PLGRKT: variants seen among roughly 807,000 people sequenced by gnomAD.
PLGRKT encodes plasminogen receptor with a C-terminal lysine, also known as plasminogen receptor (KT).
A neutral mutation model predicts 18.5 loss-of-function variants in PLGRKT; 22 were observed. The observed-to-expected ratio is 1.19, with a 90% CI of 0.85 to 1.70. The LOEUF (loss-of-function observed/expected upper bound fraction) is 1.70. Ranked by LOEUF, PLGRKT falls within the 40% of genes most tolerant of loss-of-function variation. PLGRKT has a pLI of 0.00. For missense variants in PLGRKT, 235 were observed against 174.4 expected, an observed-to-expected ratio of 1.35 and a Z score of -1.96; for synonymous variants, 72 against 52.8, an observed-to-expected ratio of 1.36 and a Z score of -1.58.
chr9:5,398,489 G>A (rs1818095264), intron 3 of PLGRKT, among the ~76,000 whole-genome samples: 1 of 151,840 alleles, frequency 6.6e-6, no homozygotes, highest in African/African-American at 2.4e-5. Flanking sequence ...TTCCTTTTTT[G>A]TAGCAAGTGC....
intron 3 of PLGRKT, among the ~76,000 whole-genome samples, chr9:5,406,886 T>G (rs893335394): frequency 1.3e-5 from 2 of 152,184 alleles, no homozygotes; most frequent in Non-Finnish European, 2.9e-5. Flanking sequence ...CTATTGAAAT[T>G]TTTAAAAATA....
At chr9:5,432,725 T>C (rs1818854982) in intron 2 of PLGRKT, among the ~76,000 whole-genome samples, 1 of 152,234 alleles carries the variant, frequency 6.6e-6, no homozygotes, top group Non-Finnish European at 1.5e-5. Context: ...CTCGAGCTCC[T>C]GGCCTCGGGT....
chr9:5,403,823 G>A (rs1818203044), intron 3 of PLGRKT, among the ~76,000 whole-genome samples: 1 of 152,170 alleles, frequency 6.6e-6, no homozygotes, highest in South Asian at 2.1e-4. Context: ...CACATAAGAT[G>A]ACAGAAGGAA....
intron 3 of PLGRKT, among the ~76,000 whole-genome samples, chr9:5,387,986 T>C (rs1261271646): frequency 6.6e-6 from 1 of 151,848 alleles, no homozygotes; most frequent in Non-Finnish European, 1.5e-5. Flanking sequence ...GGACTGGATA[T>C]AGGTGACATG....
intron 3 of PLGRKT, among the ~76,000 whole-genome samples, chr9:5,397,372 A>T (rs1201793346): frequency 6.6e-6 from 1 of 151,006 alleles, no homozygotes; most frequent in Non-Finnish European, 1.5e-5. Context: ...AGTGTTCATC[A>T]TAGCACTTAG....
chr9:5,426,051 T>C (rs1158478833), intron 3 of PLGRKT, among the ~76,000 whole-genome samples: 2 of 152,204 alleles, frequency 1.3e-5, no homozygotes, highest in Non-Finnish European at 2.9e-5. Flanking sequence ...TAAAACTTCA[T>C]CTTTGAAGAC....
intron 5 of PLGRKT, among the ~76,000 whole-genome samples, chr9:5,358,648 C>T (rs1356059380): frequency 6.6e-6 from 1 of 152,098 alleles, no homozygotes; most frequent in East Asian, 1.9e-4. Flanking sequence ...AGTCAGGATT[C>T]GTATTAATTC....
At chr9:5,408,526 G>C (rs1167210252) in intron 3 of PLGRKT, among the ~76,000 whole-genome samples, 1 of 152,204 alleles carries the variant, frequency 6.6e-6, no homozygotes, top group Non-Finnish European at 1.5e-5. Flanking sequence ...ATATGCACAA[G>C]CAAAGAAATG....
intron 3 of PLGRKT, among the ~76,000 whole-genome samples, chr9:5,379,810 G>A (rs1174420503): frequency 6.6e-6 from 1 of 152,150 alleles, no homozygotes. Flanking sequence ...TTTTGGGAAA[G>A]CAGAAGAGTA....
At chr9:5,366,450 G>C (rs16923084) in intron 3 of PLGRKT, among the ~76,000 whole-genome samples, 1,604 of 152,176 alleles carry the variant, frequency 0.011, 37 homozygotes, top group African/African-American at 0.037. Flanking sequence ...AGAATAATTT[G>C]AAATCAAAAT....
intron 2 of PLGRKT, among the ~76,000 whole-genome samples, chr9:5,435,876 A>G (rs959510916): frequency 6.6e-6 from 1 of 152,194 alleles, no homozygotes; most frequent in African/African-American, 2.4e-5. Context: ...AAGCCCAGCT[A>G]ATGGGGTTCC....
chr9:5,376,494 G>C (rs1817630613), intron 3 of PLGRKT, among the ~76,000 whole-genome samples: 1 of 152,068 alleles, frequency 6.6e-6, no homozygotes, highest in Admixed American at 6.5e-5. Flanking sequence ...AATGAGAATG[G>C]CATATAAAAG....
rs1818145628 is a variant in PLGRKT at position 5,401,115 on chromosome 9, G to A, written c.81+30782C>T. 1.3e-5 allele frequency among the ~76,000 whole-genome samples: 2 copies of A among 151,880 alleles called. 1 individual carries two copies. The highest frequency in any genetic ancestry group is 4.8e-5 in the African/African-American group (2 of 41,254). On this transcript the variant is annotated intron_variant, in intron 3 of 5. Transcript: ENST00000223864. ...CTTAATTATTACTATTATTTTGCCG[G>A]GACAGGTGGCCAATAGGGGAATTTA...
chr9:5,366,087 TAA>T (rs1468820544), intron 3 of PLGRKT, among the ~76,000 whole-genome samples: 1 of 152,194 alleles, frequency 6.6e-6, no homozygotes, highest in Non-Finnish European at 1.5e-5. Flanking sequence ...CTAAATTTCA[TAA>T]GATTATGTTT....
intron 3 of PLGRKT, among the ~76,000 whole-genome samples, chr9:5,375,419 G>A (rs1817609051): frequency 1.3e-5 from 2 of 152,062 alleles, no homozygotes; most frequent in Non-Finnish European, 1.5e-5. Context: ...TCAGTTTGGG[G>A]GAAGACAATT....
chr9:5,407,524 T>C (rs1818279069), intron 3 of PLGRKT, among the ~76,000 whole-genome samples: 3 of 152,196 alleles, frequency 2.0e-5, no homozygotes, highest in Admixed American at 2.0e-4. Flanking sequence ...TGGCATATTG[T>C]CAGGGCTTTA....
chr9:5,384,315 C>G (rs1817801679), intron 3 of PLGRKT, among the ~76,000 whole-genome samples: 1 of 152,136 alleles, frequency 6.6e-6, no homozygotes, highest in Non-Finnish European at 1.5e-5. Context: ...ACAGGGGAAT[C>G]TTTTAATTAT....
In PLGRKT at chr9:5,361,756, AC is replaced by A. The variant is rs764529186; in HGVS notation, c.212+1del. On this transcript the variant is annotated splice_donor_variant, in intron 4 of 5. Transcript: ENST00000223864. LOFTEE classifies it high-confidence loss of function. Reference sequence around the variant, plus strand: ...GAAGAAAATGTTAAATAGCAAACATACCCAGCTGTTAAAGAGATGGCTGCAA... The same window carrying A: ...GAAGAAAATGTTAAATAGCAAACATACCAGCTGTTAAAGAGATGGCTGCAA... 9 of 1,604,254 alleles carry A rather than the reference AC, an allele frequency of 5.6e-6. No homozygotes were observed. The highest frequency in any genetic ancestry group is 6.8e-6 in the Non-Finnish European group (8 of 1,177,462).
At chr9:5,410,253 T>C (rs73397136) in intron 3 of PLGRKT, among the ~76,000 whole-genome samples, 2,139 of 152,004 alleles carry the variant, frequency 0.014, 42 homozygotes, top group African/African-American at 0.048. Flanking sequence ...TTAACAGAAG[T>C]GGGTGGGCAC....
Sources: gnomAD v4.1 joint callset for allele counts (sites outside exome capture counted in the v4.1 genomes callset) on GRCh38, gnomAD v4.1.1 for gene constraint, MANE v1.5 for transcripts, NCBI Gene and HGNC (gene_info 2026-07-23, HGNC 2026-07-21) for gene names.